The following ESRRG variants were observed in gnomAD, a reference collection of about 807,000 sequenced individuals.
The protein encoded by ESRRG is estrogen related receptor gamma.
ESRRG carries 13 observed loss-of-function variants against 44.0 expected under a neutral mutation model. The observed-to-expected ratio is 0.30, with a 90% CI of 0.19 to 0.47. The LOEUF is 0.47. Among genes scored for constraint, ESRRG ranks in the 20% least tolerant of loss-of-function variants. The pLI, the probability that ESRRG is intolerant of heterozygous loss-of-function variation, is 1.00. For synonymous variants in ESRRG, 215 were observed against 214.6 expected, an observed-to-expected ratio of 1.00 and a Z score of -0.02; for missense variants, 395 against 580.6, an observed-to-expected ratio of 0.68 and a Z score of 3.29.
chr1:216,997,254 G>A (rs948609860), intron 1 of ESRRG, among the ~76,000 whole-genome samples: 7 of 152,098 alleles, frequency 4.6e-5, no homozygotes, highest in African/African-American at 1.7e-4. Context: ...TGATTCCCTC[G>A]GTATAATGAG....
chr1:216,884,188 G>A (rs2096487448), intron 2 of ESRRG, among the ~76,000 whole-genome samples: 1 of 152,120 alleles, frequency 6.6e-6, no homozygotes, highest in Non-Finnish European at 1.5e-5. Context: ...TGTCAATTTG[G>A]TTTTACACTG....
At chr1:216,601,889 A>G (rs1312229842) in intron 3 of ESRRG, among the ~76,000 whole-genome samples, 2 of 152,234 alleles carry the variant, frequency 1.3e-5, no homozygotes, top group East Asian at 1.9e-4. Context: ...TACCCTACTT[A>G]TCTTTAAACA....
rs1318553756 is a variant in ESRRG at position 216,519,411 on chromosome 1, C to T, written c.873G>A (p.Thr291=). The T allele has an allele frequency of 9.3e-6, 15 of 1,607,320 alleles. No homozygotes were observed. The highest frequency in any genetic ancestry group is 2.2e-5 in the East Asian group (1 of 44,842). The change falls in exon 6 of 7, where the codon ACG becomes ACA. Residue 291 remains threonine (T), a synonymous_variant. Coordinates refer to ENST00000408911, the MANE Select transcript of ESRRG (RefSeq NM_001438.4). The part of the protein sequence containing the change: ...GWAKHIPGFS[T]LSLADQMSLL... ...GGCTCATCTGGTCCGCCAGGGACAG[C>T]GTGGAGAAGCCTGCATGGAAAGATG... is the stretch of plus-strand genomic sequence containing the variant.
At chr1:216,903,988 G>A (rs1317344206) in intron 2 of ESRRG, among the ~76,000 whole-genome samples, 1 of 152,080 alleles carries the variant, frequency 6.6e-6, no homozygotes, top group Admixed American at 6.5e-5. Flanking sequence ...CTCCACTCAG[G>A]GAAAATCCCT....
At chr1:216,934,574 A>G (rs2063837860) in intron 2 of ESRRG, among the ~76,000 whole-genome samples, 1 of 152,188 alleles carries the variant, frequency 6.6e-6, no homozygotes, top group Non-Finnish European at 1.5e-5. Context: ...AAAAGCGAGA[A>G]TGAGAGCTAA....
intron 2 of ESRRG, among the ~76,000 whole-genome samples, chr1:216,729,428 G>A (rs367845770): frequency 3.3e-4 from 51 of 152,302 alleles, no homozygotes; most frequent in African/African-American, 1.2e-3. Flanking sequence ...AGAGATGCAA[G>A]AGAAAGGCAT....
intron 2 of ESRRG, among the ~76,000 whole-genome samples, chr1:216,794,708 G>T (rs868681363): frequency 6.6e-5 from 10 of 152,150 alleles, no homozygotes; most frequent in African/African-American, 2.2e-4. Flanking sequence ...TTAGTGAAAA[G>T]GGTTCACTGA....
intron 2 of ESRRG, among the ~76,000 whole-genome samples, chr1:216,907,401 A>C (rs2059806138): frequency 6.6e-6 from 1 of 152,222 alleles, no homozygotes; most frequent in Non-Finnish European, 1.5e-5. Context: ...ATCAACCTGC[A>C]CAGCATTAGG....
Position 216,949,063 on chromosome 1 carries a change from C to T in ESRRG, c.-105-9390G>A, listed in dbSNP as rs144526028. Among the ~76,000 whole-genome samples, 822 of 152,252 alleles carry T rather than the reference C, an allele frequency of 5.4e-3. 7 individuals carry two copies. The highest frequency in any genetic ancestry group is 5.5e-3 in the Non-Finnish European group (372 of 68,022). On this transcript the variant is annotated intron_variant, in intron 1 of 7. Coordinates refer to the ESRRG transcript ENST00000359162. ...GTGAATCAACTAGGAAAGAAGAGAGCGCTCTGCCTTCCCAACACCTTCACC... is the reference window on the plus strand; with the variant it reads ...GTGAATCAACTAGGAAAGAAGAGAGTGCTCTGCCTTCCCAACACCTTCACC...
chr1:217,085,552 G>A (rs531127491), intron 1 of ESRRG, among the ~76,000 whole-genome samples: 6 of 125,846 alleles, frequency 4.8e-5, no homozygotes, highest in East Asian at 2.6e-4. Context: ...GTGCAGTGGC[G>A]CCATCTCGGC....
chr1:216,664,774 T>C (rs1318125741), intron 2 of ESRRG, among the ~76,000 whole-genome samples: 1 of 151,152 alleles, frequency 6.6e-6, no homozygotes, highest in East Asian at 1.9e-4. Context: ...TTGATGGTAA[T>C]ATAAAATTGT....
intron 2 of ESRRG, among the ~76,000 whole-genome samples, chr1:216,730,324 A>G (rs1365870002): frequency 1.4e-5 from 2 of 144,956 alleles, no homozygotes; most frequent in Admixed American, 1.4e-4. Context: ...AAAAAAAAAG[A>G]AAGAAAAAGA....
At chr1:216,689,549 T>C (rs568502361) in intron 1 of ESRRG, among the ~76,000 whole-genome samples, 2 of 152,192 alleles carry the variant, frequency 1.3e-5, no homozygotes, top group African/African-American at 4.8e-5. Context: ...TCTTAATACA[T>C]TTTTTTAAAA....
intron 2 of ESRRG, among the ~76,000 whole-genome samples, chr1:216,778,916 T>C (rs1370618560): frequency 6.6e-6 from 1 of 150,762 alleles, no homozygotes; most frequent in Non-Finnish European, 1.5e-5. Flanking sequence ...TGCAACAGGT[T>C]CTCAGGGGAA....
At chr1:216,999,542 G>T (rs1201319320) in intron 1 of ESRRG, among the ~76,000 whole-genome samples, 1 of 152,068 alleles carries the variant, frequency 6.6e-6, no homozygotes, top group Admixed American at 6.6e-5. Flanking sequence ...CCCATCCCAG[G>T]TCTATCGGAC....
chr1:216,787,880 G>T (rs1399168889), intron 2 of ESRRG, among the ~76,000 whole-genome samples: 1 of 151,784 alleles, frequency 6.6e-6, no homozygotes, highest in Admixed American at 6.6e-5. Flanking sequence ...CTCACATGGA[G>T]AAAGTTTGAG....
At chr1:216,510,762 G>A (rs2148773693) in intron 6 of ESRRG, among the ~76,000 whole-genome samples, 1 of 152,162 alleles carries the variant, frequency 6.6e-6, no homozygotes, top group East Asian at 1.9e-4. Flanking sequence ...GTGGGCGCCT[G>A]CAGTCCCAGC....
intron 2 of ESRRG, among the ~76,000 whole-genome samples, chr1:216,868,194 TCTC>T (rs2096203544): frequency 6.8e-6 from 1 of 147,870 alleles, no homozygotes; most frequent in African/African-American, 2.5e-5. Context: ...TTCAAGCCAT[TCTC>T]CTGTCTCAGC....
chr1:216,724,030 A>T (rs1006190460), upstream of ESRRG, among the ~76,000 whole-genome samples: 2 of 152,156 alleles, frequency 1.3e-5, no homozygotes, highest in Admixed American at 1.3e-4. Context: ...TGGGCATTAA[A>T]AATAATAATA....
Sources: gnomAD v4.1 joint callset for allele counts (sites outside exome capture counted in the v4.1 genomes callset) on GRCh38, gnomAD v4.1.1 for gene constraint, MANE v1.5 for transcripts, NCBI Gene and HGNC (gene_info 2026-07-23, HGNC 2026-07-21) for gene names.